Variants in DPP10 observed in about 807,000 individuals in gnomAD.
The protein encoded by DPP10 is dipeptidyl peptidase like 10.
In DPP10, 33 loss-of-function variants were observed where a neutral mutation model predicts 120.9. The observed-to-expected ratio is 0.27, with a 90% confidence interval of 0.21 to 0.37. DPP10 has a LOEUF of 0.37. Ranked by LOEUF, DPP10 falls within the 10% of genes least tolerant of loss-of-function variation. The probability of loss-of-function intolerance (pLI) is 1.00; values close to 1 mark genes in which losing one functional copy is unlikely to be tolerated. For missense variants in DPP10, 816 were observed against 942.8 expected (o/e 0.87, Z 1.76); for synonymous variants, 337 against 326.1 (o/e 1.03, Z -0.36).
At position 115,609,403 on chromosome 2, in the gene DPP10, T is replaced by C. The variant is rs114058109; in HGVS notation, c.442-80284T>C. Among the ~76,000 whole-genome samples the C allele has an allele frequency of 3.6e-3, 542 of 152,032 alleles. 3 individuals are homozygous for C. The highest frequency in any genetic ancestry group is 0.013 in the African/African-American group (530 of 41,466). Reference sequence around the variant, plus strand: ...AGATTGATGTCTAGGAATCAGAGGATCCATCACAGGAGAGATGAAAAAAGA... The same window carrying C: ...AGATTGATGTCTAGGAATCAGAGGACCCATCACAGGAGAGATGAAAAAAGA... On this transcript the variant is annotated intron_variant, in intron 5 of 25. Coordinates refer to ENST00000410059, the MANE Select transcript of DPP10 (RefSeq NM_020868.6).
intron 7 of DPP10, among the ~76,000 whole-genome samples, chr2:115,727,139 G>T (rs946938512): frequency 1.3e-5 from 2 of 151,950 alleles, no homozygotes; most frequent in Non-Finnish European, 2.9e-5. Flanking sequence ...CTGTTGTTGG[G>T]GCTATTGTTG....
chr2:114,591,198 A>G (rs1232507247), intron 1 of DPP10, among the ~76,000 whole-genome samples: 1 of 152,236 alleles, frequency 6.6e-6, no homozygotes, highest in Non-Finnish European at 1.5e-5. Context: ...AGCCAGATTG[A>G]CAATGAACCT....
chr2:115,162,105 C>G, intron 1 of DPP10: 1 of 1,508,924 alleles, frequency 6.6e-7, no homozygotes, highest in Non-Finnish European at 8.9e-7. Context: ...TCCCGCTTCC[C>G]AGGCTGGGCT....
chr2:115,815,404 A>G (rs1359276928), intron 20 of DPP10, among the ~76,000 whole-genome samples: 2 of 152,186 alleles, frequency 1.3e-5, no homozygotes, highest in Non-Finnish European at 2.9e-5. Context: ...CAGATATGAT[A>G]TTGTTCAAAT....
intron 5 of DPP10, among the ~76,000 whole-genome samples, chr2:115,567,787 A>G (rs1263613096): frequency 6.6e-6 from 1 of 152,214 alleles, no homozygotes; most frequent in Non-Finnish European, 1.5e-5. Context: ...TAAATGTTGG[A>G]CCAATTTACA....
At chr2:114,971,312 G>T (rs141273648) in intron 1 of DPP10, among the ~76,000 whole-genome samples, 1 of 151,874 alleles carries the variant, frequency 6.6e-6, no homozygotes, top group South Asian at 2.1e-4. Flanking sequence ...TTTTTAAATC[G>T]ATTTACCTCT....
intron 1 of DPP10, among the ~76,000 whole-genome samples, chr2:115,201,140 A>T (rs1008439168): frequency 6.6e-6 from 1 of 152,214 alleles, no homozygotes; most frequent in Non-Finnish European, 1.5e-5. Context: ...TCTTTGGTCA[A>T]CACAGCCAAA....
chr2:114,545,103 G>A (rs756176447), intron 1 of DPP10, among the ~76,000 whole-genome samples: 1 of 152,074 alleles, frequency 6.6e-6, no homozygotes, highest in Non-Finnish European at 1.5e-5. Flanking sequence ...GCCCACTTCA[G>A]CCTTCCAAAT....
chr2:114,756,991 G>A (rs897709155), intron 1 of DPP10, among the ~76,000 whole-genome samples: 5 of 151,828 alleles, frequency 3.3e-5, no homozygotes, highest in Non-Finnish European at 7.4e-5. Flanking sequence ...AAAATACATA[G>A]CACCTAGCCT....
rs754650523 is a variant in DPP10 at position 115,309,234 on chromosome 2, G to A, written c.61-5G>A. 6.2e-7 allele frequency: 1 copy of A among 1,608,432 alleles called. No individual in the cohort carries two copies. Among genetic ancestry groups the A allele is most frequent in the Admixed American group, 1.7e-5 (1 of 58,906 alleles). ...ATTACAAAACTTTTTTTTCTATCTC[G>A]GTAGGAACTGGGAAGTAACAGCCCT... On this transcript the variant is annotated splice_polypyrimidine_tract_variant and splice_region_variant and intron_variant, in intron 1 of 25. Coordinates refer to ENST00000410059, the MANE Select transcript of DPP10 (RefSeq NM_020868.6).
Position 114,876,191 on chromosome 2 carries a change from T to A in DPP10, c.61-433048T>A, listed in dbSNP as rs188863576. Among the ~76,000 whole-genome samples, 276 of 152,234 alleles carry A rather than the reference T, an allele frequency of 1.8e-3. 1 individual carries two copies. The highest frequency in any genetic ancestry group is 3.4e-3 in the Middle Eastern group (1 of 294). ...TCATATTTCTCAGTCTCTATAACGA[T>A]CCTCTAAGATATTATGCAATATTGG... On this transcript the variant is annotated intron_variant, in intron 1 of 25. Transcript: ENST00000410059.
At chr2:115,621,479 G>GT (rs1029837685) in intron 5 of DPP10, among the ~76,000 whole-genome samples, 51 of 152,192 alleles carry the variant, frequency 3.4e-4, no homozygotes, top group African/African-American at 1.2e-3. Flanking sequence ...TTTATGGATT[G>GT]TTTTTTAAAC....
chr2:114,751,797 C>A (rs1475890832), intron 1 of DPP10, among the ~76,000 whole-genome samples: 3 of 152,214 alleles, frequency 2.0e-5, no homozygotes, highest in Admixed American at 6.5e-5. Flanking sequence ...CTGAAAACCT[C>A]ATTAAAATCT....
intron 21 of DPP10, among the ~76,000 whole-genome samples, chr2:115,824,473 C>T (rs114206136): frequency 0.081 from 12,321 of 151,970 alleles, 671 homozygotes; most frequent in Non-Finnish European, 0.12. Context: ...CTTTCCCTTG[C>T]GCCCCACCCC....
At chr2:114,514,943 G>A (rs899610306) in intron 1 of DPP10, among the ~76,000 whole-genome samples, 2 of 152,078 alleles carry the variant, frequency 1.3e-5, no homozygotes, top group African/African-American at 4.8e-5. Flanking sequence ...GCATTCACTT[G>A]TTGATGTTAG....
intron 1 of DPP10, among the ~76,000 whole-genome samples, chr2:115,017,157 C>T (rs542098701): frequency 5.3e-4 from 79 of 149,706 alleles, no homozygotes; most frequent in African/African-American, 1.7e-3. Context: ...TGTATACATA[C>T]GTAACTAACC....
chr2:114,723,973 A>G (rs1398792978), intron 1 of DPP10, among the ~76,000 whole-genome samples: 1 of 152,218 alleles, frequency 6.6e-6, no homozygotes, highest in Non-Finnish European at 1.5e-5. Context: ...AACAAAAGTA[A>G]TGAAACTGGG....
intron 1 of DPP10, among the ~76,000 whole-genome samples, chr2:114,905,087 A>G (rs996240527): frequency 6.6e-6 from 1 of 152,212 alleles, no homozygotes; most frequent in Non-Finnish European, 1.5e-5. Flanking sequence ...CTGGAATTAG[A>G]TATAAATTGT....
chr2:115,204,012 G>A (rs1326409044), intron 1 of DPP10, among the ~76,000 whole-genome samples: 1 of 152,070 alleles, frequency 6.6e-6, no homozygotes, highest in Non-Finnish European at 1.5e-5. Context: ...TTTCTGTGGC[G>A]ATGGGCGAGT....
Sources: allele counts gnomAD v4.1 joint callset (sites outside exome capture counted in the v4.1 genomes callset), GRCh38; gene constraint gnomAD v4.1.1; transcripts MANE v1.5; gene names NCBI Gene and HGNC (gene_info 2026-07-23, HGNC 2026-07-21).